CWC27: variants seen among roughly 807,000 people sequenced by gnomAD.
CWC27 encodes spliceosome-associated protein CWC27 homolog.
CWC27 carries 47 observed loss-of-function variants against 63.6 expected under a neutral mutation model. That is an observed-to-expected ratio of 0.74 (90% CI 0.58 to 0.94). The LOEUF (loss-of-function observed/expected upper bound fraction) is 0.94, where lower values mean the gene tolerates loss of function less well. CWC27 is among the 40% of genes least tolerant of loss of function. CWC27 has a pLI of 0.00. For missense variants in CWC27, 495 were observed against 554.3 expected, an observed-to-expected ratio of 0.89 and a Z score of 1.07; for synonymous variants, 175 against 179.8, an observed-to-expected ratio of 0.97 and a Z score of 0.22.
chr5:64,870,453 T>C lies in CWC27; in HGVS notation c.939-14990T>C, dbSNP rs540014982. ...CATGAGATCATGGTAGAAATCAAAATGTTTTAACAAGTGGATTCTTAAATT... is the reference window on the plus strand; with the variant it reads ...CATGAGATCATGGTAGAAATCAAAACGTTTTAACAAGTGGATTCTTAAATT... On this transcript the variant is annotated intron_variant, in intron 10 of 13. Transcript: ENST00000381070. 2.6e-4 allele frequency among the ~76,000 whole-genome samples: 38 copies of C among 148,304 alleles called. No individual in the cohort carries two copies. The South Asian group carries it at 7.7e-3, about 30-fold the overall frequency.
At chr5:64,997,743 G>A (rs1309540) in intron 13 of CWC27, among the ~76,000 whole-genome samples, 20,717 of 152,046 alleles carry the variant, frequency 0.14, 1,847 homozygotes, top group Admixed American at 0.28. Flanking sequence ...TAGGGGAGGG[G>A]ACACAGATAA....
At chr5:65,003,528 G>T (rs1052288473) in intron 13 of CWC27, among the ~76,000 whole-genome samples, 19 of 152,148 alleles carry the variant, frequency 1.2e-4, no homozygotes, top group African/African-American at 4.6e-4. Context: ...CATGATGGTA[G>T]ATATTGTCCT....
chr5:64,863,535 C>A (rs1358866111), intron 10 of CWC27, among the ~76,000 whole-genome samples: 4 of 152,136 alleles, frequency 2.6e-5, no homozygotes, highest in Admixed American at 2.6e-4. Context: ...CACTCTGTTT[C>A]CCAAGCCGGA....
chr5:64,801,823 G>T (rs1334919517), intron 9 of CWC27, among the ~76,000 whole-genome samples: 2 of 152,230 alleles, frequency 1.3e-5, no homozygotes, highest in East Asian at 3.9e-4. Context: ...ACAGAAGGAA[G>T]ATTTTCCTTT....
rs116693917 is a variant in CWC27 at position 65,018,095 on chromosome 5, G to A, written c.1257-64G>A. On this transcript the variant is annotated intron_variant, in intron 13 of 13. Coordinates refer to ENST00000381070, the MANE Select transcript of CWC27 (RefSeq NM_005869.4). The stretch of plus-strand genomic sequence containing the variant: ...GTTTCATTATGTCGATGATAGTAGA[G>A]TATAGAATTTCTACTGTAAGTTCCC... 1.1e-4 allele frequency: 146 copies of A among 1,345,628 alleles called. No homozygotes were observed. The African/African-American group carries it at 2.0e-3, about 19-fold the overall frequency. 83.4% of individuals were successfully genotyped at this position (1,345,628 alleles called of 1,614,324 possible).
chr5:64,966,223 A>G (rs756302290), intron 11 of CWC27, among the ~76,000 whole-genome samples: 28 of 152,126 alleles, frequency 1.8e-4, no homozygotes, highest in Non-Finnish European at 3.2e-4. Flanking sequence ...CCCTCCATCA[A>G]TGTAAGAAAT....
intron 11 of CWC27, among the ~76,000 whole-genome samples, chr5:64,948,100 C>T (rs899754446): frequency 6.6e-6 from 1 of 151,972 alleles, no homozygotes; most frequent in African/African-American, 2.4e-5. Context: ...CATTAAAAAT[C>T]TTTTATCCTG....
At chr5:64,795,351 C>G (rs560182167) in intron 7 of CWC27, among the ~76,000 whole-genome samples, 12 of 152,092 alleles carry the variant, frequency 7.9e-5, no homozygotes, top group Non-Finnish European at 1.6e-4. Flanking sequence ...TTATTAATTT[C>G]GTATTACTGT....
intron 7 of CWC27, among the ~76,000 whole-genome samples, chr5:64,798,621 A>G (rs994658749): frequency 1.1e-4 from 17 of 152,326 alleles, no homozygotes; most frequent in African/African-American, 2.9e-4. Context: ...AAATTGCACT[A>G]TAAGCATGTT....
chr5:64,847,140 C>G (rs1390527135), intron 10 of CWC27, among the ~76,000 whole-genome samples: 2 of 151,810 alleles, frequency 1.3e-5, no homozygotes, highest in African/African-American at 4.8e-5. Context: ...ATACTGTATA[C>G]AAAGATACAT....
chr5:64,803,079 C>T (rs1171887299), intron 9 of CWC27, among the ~76,000 whole-genome samples: 5 of 152,082 alleles, frequency 3.3e-5, no homozygotes, highest in African/African-American at 9.7e-5. Flanking sequence ...TTCGTAATTC[C>T]TACCCCAGAG....
chr5:64,959,772 T>C (rs1186037634), intron 11 of CWC27, among the ~76,000 whole-genome samples: 1 of 152,220 alleles, frequency 6.6e-6, no homozygotes, highest in Non-Finnish European at 1.5e-5. Context: ...GTAGACACTG[T>C]TGTAATTCAG....
chr5:64,864,985 G>T (rs180836172), intron 10 of CWC27, among the ~76,000 whole-genome samples: 1 of 152,022 alleles, frequency 6.6e-6, no homozygotes, highest in Non-Finnish European at 1.5e-5. Context: ...TCTCAAAAAT[G>T]TATGCCTCCT....
intron 13 of CWC27, among the ~76,000 whole-genome samples, chr5:65,016,182 C>T (rs6867287): frequency 0.024 from 3,667 of 152,132 alleles, 144 homozygotes; most frequent in African/African-American, 0.082. Context: ...GGAAATTGAA[C>T]GCACAAGAAA....
intron 13 of CWC27, among the ~76,000 whole-genome samples, chr5:65,008,493 A>G (rs1207353640): frequency 7.2e-5 from 11 of 152,232 alleles, no homozygotes; most frequent in Admixed American, 7.2e-4. Context: ...TAATTAAATT[A>G]GAACTTTATC....
chr5:64,943,391 T>G (rs1748529029), intron 11 of CWC27, among the ~76,000 whole-genome samples: 1 of 152,218 alleles, frequency 6.6e-6, no homozygotes, highest in Non-Finnish European at 1.5e-5. Flanking sequence ...GCAGTGAAGT[T>G]CCTTGCATTT....
intron 11 of CWC27, among the ~76,000 whole-genome samples, chr5:64,891,622 G>A (rs1376218721): frequency 6.6e-6 from 1 of 151,990 alleles, no homozygotes; most frequent in East Asian, 1.9e-4. Flanking sequence ...CATAATTAGC[G>A]AATCTTGTTG....
intron 10 of CWC27, among the ~76,000 whole-genome samples, chr5:64,818,116 G>T (rs776451257): frequency 6.6e-6 from 1 of 151,980 alleles, no homozygotes; most frequent in Non-Finnish European, 1.5e-5. Context: ...TAATTGGTGG[G>T]TTTCTGCTCT....
chr5:64,927,360 G>A (rs1482642944), intron 11 of CWC27, among the ~76,000 whole-genome samples: 2 of 152,012 alleles, frequency 1.3e-5, no homozygotes, highest in South Asian at 2.1e-4. Flanking sequence ...GCCTCTCTGT[G>A]CCAGGCATTT....
Sources: gnomAD v4.1 joint callset for allele counts (sites outside exome capture counted in the v4.1 genomes callset) on GRCh38, gnomAD v4.1.1 for gene constraint, MANE v1.5 for transcripts, NCBI Gene and HGNC (gene_info 2026-07-23, HGNC 2026-07-21) for gene names.